XAF1: variants seen among roughly 807,000 people sequenced by gnomAD.
The protein encoded by XAF1 is XIAP associated factor 1, also known as XIAP-associated factor 1.
Under a neutral mutation model 32.3 loss-of-function variants are expected in XAF1, and 32 were observed. The observed-to-expected ratio is 0.99, with a 90% confidence interval of 0.75 to 1.33. The LOEUF (loss-of-function observed/expected upper bound fraction) is 1.33. XAF1 is among the 40% of genes most tolerant of loss of function. The pLI, the probability that XAF1 is intolerant of heterozygous loss-of-function variation, is 0.00. For missense variants in XAF1, 379 were observed against 366.0 expected (o/e 1.04, Z -0.29); for synonymous variants, 120 against 125.9 (o/e 0.95, Z 0.31).
intron 5 of XAF1, among the ~76,000 whole-genome samples, chr17:6,764,414 C>T (rs1013040843): frequency 6.6e-6 from 1 of 152,200 alleles, no homozygotes; most frequent in African/African-American, 2.4e-5. Context: ...CAATTCTCCC[C>T]TCTCTGTCCT....
chr17:6,767,344 C>A (rs1002480770), intron 5 of XAF1, among the ~76,000 whole-genome samples: 1 of 152,136 alleles, frequency 6.6e-6, no homozygotes, highest in African/African-American at 2.4e-5. Flanking sequence ...CTCTTAGATA[C>A]ATTACAGGTA....
At chr17:6,758,466 T>C (rs1974888739) in intron 2 of XAF1, 1 of 582,078 alleles carries the variant, frequency 1.7e-6, no homozygotes, top group Non-Finnish European at 3.0e-6. Flanking sequence ...AGGCAAGTGT[T>C]CAGTCCTCTC....
intron 5 of XAF1, among the ~76,000 whole-genome samples, chr17:6,770,222 G>T (rs1276852447): frequency 6.6e-6 from 1 of 152,192 alleles, no homozygotes; most frequent in Non-Finnish European, 1.5e-5. Context: ...ACCACCATTT[G>T]GTGTCTGGTG....
rs1468585314 is a variant in XAF1, at chr17:6,774,020, C to T, written c.*851C>T. On this transcript the variant is annotated 3_prime_UTR_variant, in exon 7 of 7. Coordinates refer to ENST00000361842, the MANE Select transcript of XAF1 (RefSeq NM_017523.5). The stretch of plus-strand genomic sequence containing the variant: ...GCTATTCCTATCAAACTACCAATAA[C>T]ATTCTTCACAGAATCAGAAAAAAAA... 2 of 152,074 alleles carry T rather than the reference C, an allele frequency of 1.3e-5. No homozygotes were observed. The highest frequency in any genetic ancestry group is 3.8e-4 in the East Asian group (2 of 5,200). 9.4% of individuals were successfully genotyped at this position (152,074 alleles called of 1,614,324 possible).
At chr17:6,761,347 A>G (rs1370245006) in intron 4 of XAF1, among the ~76,000 whole-genome samples, 4 of 152,226 alleles carry the variant, frequency 2.6e-5, no homozygotes, top group Non-Finnish European at 5.9e-5. Context: ...CACTGAATCT[A>G]GGGCTTTTTC....
At chr17:6,756,992 C>CT (rs35781742) in intron 1 of XAF1, among the ~76,000 whole-genome samples, 174 of 134,744 alleles carry the variant, frequency 1.3e-3, no homozygotes, top group Non-Finnish European at 1.6e-3. Context: ...CTTTCTTCTT[C>CT]TTTTTTTTTT....
Position 6,770,651 on chromosome 17 carries a change from T to C in XAF1, c.516T>C (p.Cys172=). ...ENKYFHHMGK[C]CPDSEFKKHF... is the part of the protein sequence containing the mutation. Reference sequence around the variant, plus strand: ...ATTATTCACAATTGCAGGGTAAATGTTGTCCAGACTCAGAGTTTAAGAAAC... The same window carrying C: ...ATTATTCACAATTGCAGGGTAAATGCTGTCCAGACTCAGAGTTTAAGAAAC... Residue 172 remains cysteine, a synonymous_variant, in exon 6 of 7, where the codon TGT becomes TGC. Coordinates refer to ENST00000361842, the MANE Select transcript of XAF1 (RefSeq NM_017523.5). The C allele has an allele frequency of 6.3e-7, 1 of 1,585,764 alleles. No individual in the cohort carries two copies. The highest frequency in any genetic ancestry group is 1.2e-5 in the South Asian group (1 of 85,490).
chr17:6,771,090 CCG>C, intron 6 of XAF1, 106 bp downstream of exon 6: 1 of 1,290,824 alleles, frequency 7.7e-7, no homozygotes, highest in Non-Finnish European at 1.1e-6. Flanking sequence ...GCTGAAAAGG[CCG>C]TTTTCTCTGA....
chr17:6,760,217 A>T lies in XAF1; in HGVS notation c.226-189A>T, dbSNP rs899623753. Among the ~76,000 whole-genome samples, 14 of 152,182 alleles carry T rather than the reference A, an allele frequency of 9.2e-5. No individual in the cohort carries two copies. In the South Asian group the frequency reaches 2.9e-3, roughly 32 times the overall value. On this transcript the variant is annotated intron_variant, in intron 3 of 6. Transcript: ENST00000361842. ...ACAAAAATTAGCTGGGCGTGGTGGC[A>T]CACGCCTGTGGTCCCAGCCACTTGG...
chr17:6,759,473 G>C (rs1974997589), intron 2 of XAF1, 189 bp from the exon 3 acceptor site: 2 of 1,434,492 alleles, frequency 1.4e-6, no homozygotes, highest in Non-Finnish European at 1.8e-6. Flanking sequence ...AGACTGGTCT[G>C]ACAAACACTT....
rs1216823909 is a variant in XAF1, at chr17:6,760,569, T to C, written c.389T>C (p.Val130Ala). Residue 130 changes from valine (V) to alanine (A), a missense_variant, in exon 4 of 7, where the codon GTC (valine) becomes GCC (alanine). Val to Ala is a moderately conservative substitution (Grantham distance 64, BLOSUM62 0). Transcript: ENST00000361842. Reference sequence around the variant, plus strand: ...CGCATGCTCGCCCAGCACAGAGATGTCTGTCGCAGTGAACAGGCCCAGCTC... The same window carrying C: ...CGCATGCTCGCCCAGCACAGAGATGCCTGTCGCAGTGAACAGGCCCAGCTC... ...MHRMLAQHRD[V>A]CRSEQAQLGK... 2 of 1,612,508 alleles carry C rather than the reference T, an allele frequency of 1.2e-6. No homozygotes were observed. The highest frequency in any genetic ancestry group is 1.3e-5 in the African/African-American group (1 of 74,848).
At chr17:6,755,773 G>C, upstream of XAF1, 1 of 1,186,168 alleles carries the variant, frequency 8.4e-7, no homozygotes, top group Non-Finnish European at 1.1e-6. Context: ...AGCCAGCCAG[G>C]GTGAGGGAAC....
rs538357154 is a variant in XAF1 at position 6,756,202 on chromosome 17, T to C, written c.32+92T>C. 883 of 1,607,034 alleles carry C rather than the reference T, an allele frequency of 5.5e-4. 22 individuals carry two copies. The South Asian group carries it at 9.1e-3, about 17-fold the overall frequency. ...TGTTTCTGAAGGGAGCAGAAAGTGG[T>C]TCCTGCATAAGAACACTTAGGAGGA... On this transcript the variant is annotated intron_variant, in intron 1 of 6. Transcript: ENST00000361842.
intron 4 of XAF1, among the ~76,000 whole-genome samples, chr17:6,761,221 A>G (rs901274224): frequency 2.0e-5 from 3 of 152,208 alleles, no homozygotes; most frequent in Non-Finnish European, 4.4e-5. Context: ...CACCTCTAGC[A>G]CAGTCCTAGC....
chr17:6,765,966 T>C (rs1338083984), intron 5 of XAF1, among the ~76,000 whole-genome samples: 1 of 152,186 alleles, frequency 6.6e-6, no homozygotes, highest in Non-Finnish European at 1.5e-5. Context: ...CATCACCTCT[T>C]TGATCTCATG....
intron 5 of XAF1, among the ~76,000 whole-genome samples, chr17:6,768,941 G>C (rs1361687488): frequency 6.6e-6 from 1 of 151,818 alleles, no homozygotes; most frequent in East Asian, 1.9e-4. Flanking sequence ...TTATCTCTTT[G>C]AATTCCCAAC....
At chr17:6,759,797 C>T in intron 3 of XAF1, 79 bp downstream of exon 3, 1 of 1,607,776 alleles carries the variant, frequency 6.2e-7, no homozygotes, top group African/African-American at 1.3e-5. Flanking sequence ...AACGGGAGGC[C>T]AGTAATAGAG....
rs375870927 is a variant in XAF1, at chr17:6,770,868, T to G, written c.733T>G (p.Ser245Ala). Residue 245 changes from serine to alanine, a missense_variant, in exon 6 of 7, where the codon TCA (serine) becomes GCA (alanine). By Grantham distance (99) the Ser-to-Ala change is moderately conservative (BLOSUM62 1). Transcript: ENST00000361842. ...KNKTLDPLLMSEPKPRTSSPR... is the reference protein window; with the variant it reads ...KNKTLDPLLMAEPKPRTSSPR... ...CAAAACCTTGGATCCACTTTTGATG[T>G]CAGAGCCCAAGCCCAGGACCAGCTC... 6.2e-7 allele frequency: 1 copy of G among 1,614,070 alleles called. No individual in the cohort carries two copies. The highest frequency in any genetic ancestry group is 8.5e-7 in the Non-Finnish European group (1 of 1,179,998).
intron 5 of XAF1, among the ~76,000 whole-genome samples, chr17:6,769,748 T>C (rs561182852): frequency 3.9e-5 from 6 of 152,324 alleles, no homozygotes; most frequent in African/African-American, 1.4e-4. Context: ...TCAATGTTTA[T>C]GTTAATTCTT....
Sources: allele counts gnomAD v4.1 joint callset (sites outside exome capture counted in the v4.1 genomes callset), GRCh38; gene constraint gnomAD v4.1.1; transcripts MANE v1.5; gene names NCBI Gene and HGNC (gene_info 2026-07-23, HGNC 2026-07-21).